Variants in COL6A5 observed in about 807,000 individuals in gnomAD.
The protein encoded by COL6A5 is collagen type VI alpha 5 chain.
COL6A5 carries 48 observed loss-of-function variants against 65.6 expected under a neutral mutation model. The observed-to-expected ratio is 0.73, with a 90% CI of 0.58 to 0.93. The LOEUF is 0.93. COL6A5 is among the 40% of genes least tolerant of loss of function. The pLI is 0.00. For synonymous variants in COL6A5, 291 were observed against 322.8 expected, an observed-to-expected ratio of 0.90 and a Z score of 1.05; for missense variants, 914 against 928.3, an observed-to-expected ratio of 0.98 and a Z score of 0.20.
intron 5 of COL6A5, 45 bp from the exon 38 acceptor site, chr3:130,468,750 C>G (rs1378555438): frequency 1.4e-6 from 2 of 1,413,470 alleles, no homozygotes; most frequent in Non-Finnish European, 1.9e-6. Context: ...GAGCTCCAAG[C>G]TTATCTTTCC....
At chr3:130,392,704 C>A (rs1028808446) in intron 7 of COL6A5, among the ~76,000 whole-genome samples, 1 of 152,172 alleles carries the variant, frequency 6.6e-6, no homozygotes, top group South Asian at 2.1e-4. Flanking sequence ...TAACCCACTT[C>A]CATATCTGTA....
At chr3:130,482,257 T>A (rs1222533307) in intron 7 of COL6A5, among the ~76,000 whole-genome samples, 5 of 152,246 alleles carry the variant, frequency 3.3e-5, no homozygotes, top group Admixed American at 3.3e-4. Context: ...TTCAGTTTTC[T>A]GCATATGGCT....
chr3:130,379,515 G>T (rs1935912530), exon 4 of COL6A5: 1 of 1,551,352 alleles, frequency 6.4e-7, no homozygotes, highest in Non-Finnish European at 8.7e-7. Flanking sequence ...GGCATCTTCA[G>T]ACCTTCCTTG....
rs530749604 is a variant in COL6A5 at position 130,358,363 on chromosome 3, G to A, written c.-29+12382G>A. On this transcript the variant is annotated intron_variant and NMD_transcript_variant, in intron 1 of 41. Coordinates refer to the COL6A5 transcript ENST00000312481. ...TTTAAAATGAGAATATACTGGAAAA[G>A]TCTAAGCAAGCCAACAAGAAAGTTC... Among the ~76,000 whole-genome samples the A allele has an allele frequency of 1.3e-4, 20 of 152,146 alleles. No individual in the cohort carries two copies. In the East Asian group the frequency reaches 3.7e-3, roughly 28 times the overall value.
At chr3:130,431,651 A>G in exon 1 of COL6A5, 1 of 1,551,496 alleles carries the variant, frequency 6.4e-7, no homozygotes, top group Non-Finnish European at 8.7e-7. Flanking sequence ...GGCACCAGCT[A>G]TCTCATCCGC....
intron 5 of COL6A5, among the ~76,000 whole-genome samples, 181 bp from the exon 38 acceptor site, chr3:130,468,614 C>T (rs190719148): frequency 2.8e-4 from 42 of 152,054 alleles, no homozygotes; most frequent in Non-Finnish European, 5.0e-4. Flanking sequence ...GCTCTGCATG[C>T]GCTATGTGGG....
chr3:130,452,842 A>T (rs1482369350), intron 4 of COL6A5, among the ~76,000 whole-genome samples: 1 of 152,168 alleles, frequency 6.6e-6, no homozygotes, highest in Non-Finnish European at 1.5e-5. Flanking sequence ...GGCCACACCC[A>T]AGGGGGCCAT....
chr3:130,390,605 G>C (rs1936362070), intron 6 of COL6A5, among the ~76,000 whole-genome samples: 1 of 151,998 alleles, frequency 6.6e-6, no homozygotes, highest in African/African-American at 2.4e-5. Flanking sequence ...TCCTACTTGG[G>C]GCCACTTCTT....
intron 6 of COL6A5, 74 bp downstream of exon 6, chr3:130,389,208 A>C: frequency 3.8e-6 from 4 of 1,050,524 alleles, no homozygotes; most frequent in Non-Finnish European, 5.1e-6. Context: ...AGTGAATGGC[A>C]CTCTGGCCCT....
chr3:130,440,053 A>G (rs1577511473), intron 2 of COL6A5, 113 bp from the exon 35 acceptor site: 1 of 803,942 alleles, frequency 1.2e-6, no homozygotes. Flanking sequence ...TCAAAGAGAT[A>G]TTGATCAAAT....
intron 5 of COL6A5, among the ~76,000 whole-genome samples, 178 bp from the exon 38 acceptor site, chr3:130,468,617 T>C (rs377318360): frequency 6.6e-6 from 1 of 152,044 alleles, no homozygotes; most frequent in African/African-American, 2.4e-5. Flanking sequence ...CTGCATGCGC[T>C]ATGTGGGTAC....
At position 130,376,927 on chromosome 3, in the gene COL6A5, A is replaced by G. The variant is rs1044906027; in HGVS notation, c.667+91A>G. 4.5e-6 allele frequency: 6 copies of G among 1,342,542 alleles called. No homozygotes were observed. The Admixed American group carries it at 1.4e-4, about 31-fold the overall frequency. 83.2% of individuals were successfully genotyped at this position (1,342,542 alleles called of 1,614,324 possible). A position where few individuals can be genotyped will look rare whatever the true frequency, so the allele number is the denominator to read the frequency against. On this transcript the variant is annotated intron_variant and NMD_transcript_variant, in intron 3 of 41. Transcript: ENST00000312481. ...CTCTTGCAACTCATGTTAGGTTTTC[A>G]TGATTAGCCATGTTGAAGTATTGGA...
At chr3:130,383,049 A>G (rs914323456) in intron 4 of COL6A5, among the ~76,000 whole-genome samples, 1 of 152,100 alleles carries the variant, frequency 6.6e-6, no homozygotes, top group Admixed American at 6.6e-5. Context: ...AATTGGGCAG[A>G]TGTTTCTACT....
intron 3 of COL6A5, among the ~76,000 whole-genome samples, chr3:130,441,169 C>G (rs1323427506): frequency 6.6e-6 from 1 of 152,114 alleles, no homozygotes; most frequent in Non-Finnish European, 1.5e-5. Flanking sequence ...GTTTTACTTG[C>G]TATACCTGTT....
exon 9 of COL6A5, chr3:130,397,830 G>T: frequency 1.3e-6 from 2 of 1,551,684 alleles, no homozygotes; most frequent in Non-Finnish European, 1.7e-6. Context: ...ACAGCTTGCT[G>T]CAAGTCAACG....
chr3:130,416,053 T>A (rs2107679381), intron 23 of COL6A5, among the ~76,000 whole-genome samples: 1 of 152,296 alleles, frequency 6.6e-6, no homozygotes, highest in African/African-American at 2.4e-5. Context: ...CATGCACCTA[T>A]GTCTCCATTC....
intron 5 of COL6A5, among the ~76,000 whole-genome samples, chr3:130,463,135 C>G (rs1280476027): frequency 1.3e-5 from 2 of 152,088 alleles, no homozygotes; most frequent in Admixed American, 1.3e-4. Context: ...TGATTAAATA[C>G]TAAGAAAGTA....
At chr3:130,365,767 C>T (rs1436416934) in intron 1 of COL6A5, among the ~76,000 whole-genome samples, 1 of 152,134 alleles carries the variant, frequency 6.6e-6, no homozygotes, top group East Asian at 1.9e-4. Context: ...TCAACCTTGG[C>T]TGCACATTGG....
At chr3:130,398,678 C>T (rs1445899703) in intron 10 of COL6A5, among the ~76,000 whole-genome samples, 2 of 152,066 alleles carry the variant, frequency 1.3e-5, no homozygotes, top group African/African-American at 4.8e-5. Flanking sequence ...CCTGGACGTG[C>T]TTGGAATGGG....
Sources: gnomAD v4.1 joint callset for allele counts (sites outside exome capture counted in the v4.1 genomes callset) on GRCh38, gnomAD v4.1.1 for gene constraint, MANE v1.5 for transcripts, NCBI Gene and HGNC (gene_info 2026-07-23, HGNC 2026-07-21) for gene names.